Variants in PYY observed in about 807,000 individuals in gnomAD.
PYY encodes peptide YY, also known as peptide tyrosine tyrosine.
A neutral mutation model predicts 10.3 loss-of-function variants in PYY; 12 were observed. That is an observed-to-expected ratio of 1.17 (90% confidence interval 0.75 to 1.89). PYY has a LOEUF of 1.89. PYY is among the 40% of genes most tolerant of loss of function. The pLI is 0.00. For synonymous variants in PYY, 66 were observed against 62.0 expected, an observed-to-expected ratio of 1.06 and a Z score of -0.30; for missense variants, 141 against 134.0, an observed-to-expected ratio of 1.05 and a Z score of -0.26.
At chr17:43,974,555 G>T (rs975940770) in intron 1 of PYY, among the ~76,000 whole-genome samples, 1 of 152,196 alleles carries the variant, frequency 6.6e-6, no homozygotes, top group East Asian at 1.9e-4. Context: ...AAAAGTGCCC[G>T]TAAAGGGTTA....
intron 2 of PYY, among the ~76,000 whole-genome samples, chr17:43,965,445 C>T (rs771045606): frequency 4.7e-4 from 70 of 149,708 alleles, no homozygotes; most frequent in Non-Finnish European, 9.2e-4. Context: ...CATGCCATTG[C>T]ACTCCAGCCT....
chr17:43,954,276 C>A (rs1435571944), upstream of PYY, among the ~76,000 whole-genome samples: 6 of 152,188 alleles, frequency 3.9e-5, no homozygotes, highest in Non-Finnish European at 7.4e-5. Context: ...GGTTGAGATT[C>A]TGTCTTCCCT....
At chr17:43,957,155 G>A (rs569015795), upstream of PYY, among the ~76,000 whole-genome samples, 9 of 144,414 alleles carry the variant, frequency 6.2e-5, no homozygotes, top group African/African-American at 2.1e-4. Flanking sequence ...CCAAGATCGC[G>A]CCACTGTACT....
chr17:43,973,015 T>G (rs1200046509), intron 1 of PYY, among the ~76,000 whole-genome samples: 2 of 151,978 alleles, frequency 1.3e-5, no homozygotes, highest in African/African-American at 2.4e-5. Flanking sequence ...ACCCAGCCTA[T>G]TTTTGTTGAG....
chr17:43,967,825 T>C (rs1194004448), intron 1 of PYY, among the ~76,000 whole-genome samples: 1 of 152,102 alleles, frequency 6.6e-6, no homozygotes, highest in Admixed American at 6.6e-5. Context: ...TCATTTTTCC[T>C]CTGATATTCC....
chr17:43,969,208 G>A (rs189916763), intron 1 of PYY, among the ~76,000 whole-genome samples: 15 of 151,506 alleles, frequency 9.9e-5, no homozygotes, highest in Non-Finnish European at 2.1e-4. Flanking sequence ...TGCAAGGCTG[G>A]TTCAATATTC....
chr17:43,955,814 G>T (rs2048667832), upstream of PYY, among the ~76,000 whole-genome samples: 2 of 152,052 alleles, frequency 1.3e-5, no homozygotes, highest in Non-Finnish European at 2.9e-5. Context: ...AAAGACAAAA[G>T]ACAGGTGCTC....
intron 2 of PYY, among the ~76,000 whole-genome samples, chr17:43,961,803 C>T (rs377736256): frequency 6.6e-6 from 1 of 152,070 alleles, no homozygotes; most frequent in Non-Finnish European, 1.5e-5. Context: ...AGATTATAGG[C>T]GTGAGCCACC....
At chr17:43,965,447 C>T (rs1027405454) in intron 2 of PYY, among the ~76,000 whole-genome samples, 3 of 149,670 alleles carry the variant, frequency 2.0e-5, no homozygotes, top group Non-Finnish European at 3.0e-5. Context: ...TGCCATTGCA[C>T]TCCAGCCTGG....
intron 1 of PYY, among the ~76,000 whole-genome samples, chr17:43,966,768 T>G (rs2048758128): frequency 6.6e-6 from 1 of 152,142 alleles, no homozygotes; most frequent in African/African-American, 2.4e-5. Flanking sequence ...GAGCAGAGGT[T>G]TTTGTCTGTT....
At chr17:43,992,128 A>G (rs918416582) in intron 1 of PYY, among the ~76,000 whole-genome samples, 1 of 151,264 alleles carries the variant, frequency 6.6e-6, no homozygotes, top group African/African-American at 2.4e-5. Context: ...TCAAAGAAAA[A>G]AAAAAAAAAA....
intron 1 of PYY, among the ~76,000 whole-genome samples, chr17:43,997,096 T>A (rs4040596): frequency 0.052 from 7,838 of 152,178 alleles, 248 homozygotes; most frequent in East Asian, 0.11. Context: ...TGGAGTGCAG[T>A]GGCATGATCT....
rs573338627 is a variant in PYY at position 43,993,330 on chromosome 17, G to A, written c.-463+11061C>T. Among the ~76,000 whole-genome samples the A allele has an allele frequency of 3.3e-5, 5 of 152,186 alleles. No homozygotes were observed. The South Asian group carries it at 1.0e-3, about 32-fold the overall frequency. On this transcript the variant is annotated intron_variant, in intron 1 of 6. Coordinates refer to the PYY transcript ENST00000360085. ...AAAAAATTAGCCGGGCGTGGTGGTG[G>A]TGTCTGTAGTCCCAGGTACTCGGGA...
intron 1 of PYY, among the ~76,000 whole-genome samples, chr17:43,980,557 C>T (rs1242840620): frequency 1.3e-5 from 2 of 152,008 alleles, no homozygotes; most frequent in Middle Eastern, 3.2e-3. Context: ...TCACTGCAAC[C>T]TCTGCCTCCT....
intron 1 of PYY, among the ~76,000 whole-genome samples, chr17:43,999,538 G>A (rs115157787): frequency 6.6e-6 from 1 of 152,092 alleles, no homozygotes; most frequent in African/African-American, 2.4e-5. Context: ...AAGGTGAGGA[G>A]GGCAGATCAC....
chr17:43,963,208 A>G (rs2048724141), intron 2 of PYY, among the ~76,000 whole-genome samples: 1 of 152,198 alleles, frequency 6.6e-6, no homozygotes, highest in Non-Finnish European at 1.5e-5. Context: ...CAAAACTATT[A>G]TGAGAAAAAT....
chr17:43,986,419 T>C (rs2048916397), intron 1 of PYY, among the ~76,000 whole-genome samples: 1 of 151,740 alleles, frequency 6.6e-6, no homozygotes, highest in African/African-American at 2.4e-5. Flanking sequence ...GACTGGGTCA[T>C]GTGGCTTCCT....
At chr17:43,959,916 A>C (rs1394972080) in intron 2 of PYY, among the ~76,000 whole-genome samples, 8 of 152,238 alleles carry the variant, frequency 5.3e-5, no homozygotes. Context: ...AGGGAGAAAC[A>C]GTTCTGACCT....
chr17:43,977,462 T>C (rs1203837904), intron 1 of PYY, among the ~76,000 whole-genome samples: 1 of 152,100 alleles, frequency 6.6e-6, no homozygotes, highest in Non-Finnish European at 1.5e-5. Flanking sequence ...CCAGGACTCA[T>C]GCAAGGAGTC....
Sources: allele counts gnomAD v4.1 joint callset (sites outside exome capture counted in the v4.1 genomes callset), GRCh38; gene constraint gnomAD v4.1.1; transcripts MANE v1.5; gene names NCBI Gene and HGNC (gene_info 2026-07-23, HGNC 2026-07-21).